DIAPH3: variants seen among roughly 807,000 people sequenced by gnomAD.
The protein encoded by DIAPH3 is protein diaphanous homolog 3.
DIAPH3 carries 117 observed loss-of-function variants against 144.3 expected under a neutral mutation model. That is an observed-to-expected ratio of 0.81 (90% CI 0.70 to 0.95). DIAPH3 has a LOEUF of 0.95. DIAPH3 is among the 40% of genes least tolerant of loss of function. The pLI is 0.00. For synonymous variants in DIAPH3, 519 were observed against 488.9 expected (o/e 1.06, Z -0.81); for missense variants, 1,421 against 1,412.7 (o/e 1.01, Z -0.09).
chr13:59,710,422 T>G (rs73208916), intron 27 of DIAPH3, among the ~76,000 whole-genome samples: 3,542 of 152,166 alleles, frequency 0.023, 62 homozygotes, highest in Non-Finnish European at 0.037. Context: ...CACAACAAAT[T>G]ATAAAGCTGA....
At chr13:59,764,285 T>G (rs2037764052) in intron 27 of DIAPH3, among the ~76,000 whole-genome samples, 1 of 151,724 alleles carries the variant, frequency 6.6e-6, no homozygotes, top group Non-Finnish European at 1.5e-5. Flanking sequence ...GCATAATGGT[T>G]AAAATTCTGG....
intron 17 of DIAPH3, among the ~76,000 whole-genome samples, chr13:59,966,756 C>T (rs2050070015): frequency 6.6e-6 from 1 of 152,158 alleles, no homozygotes; most frequent in African/African-American, 2.4e-5. Flanking sequence ...GGATTGGCAT[C>T]TATCATTTAA....
chr13:59,937,772 C>T (rs1397136782), intron 17 of DIAPH3, among the ~76,000 whole-genome samples: 2 of 151,912 alleles, frequency 1.3e-5, no homozygotes, highest in Non-Finnish European at 2.9e-5. Flanking sequence ...GACAGCATGC[C>T]TATAATTTTG....
chr13:59,921,781 G>A (rs964081479), intron 18 of DIAPH3, among the ~76,000 whole-genome samples: 4 of 151,958 alleles, frequency 2.6e-5, no homozygotes, highest in Non-Finnish European at 5.9e-5. Flanking sequence ...TGCAACAAAG[G>A]AAAGCTACTT....
chr13:59,732,709 C>T (rs138507158), intron 27 of DIAPH3, among the ~76,000 whole-genome samples: 175 of 152,142 alleles, frequency 1.2e-3, no homozygotes, highest in African/African-American at 4.0e-3. Flanking sequence ...TCCCAAAGTG[C>T]TGGGATTATG....
intron 3 of DIAPH3, among the ~76,000 whole-genome samples, chr13:60,108,043 A>G (rs2058467747): frequency 1.3e-5 from 2 of 152,204 alleles, no homozygotes; most frequent in Non-Finnish European, 2.9e-5. Flanking sequence ...CCATCTAAGT[A>G]TAGTGTCTAA....
At chr13:59,931,662 G>C (rs979832177) in intron 17 of DIAPH3, among the ~76,000 whole-genome samples, 3 of 152,274 alleles carry the variant, frequency 2.0e-5, no homozygotes, top group East Asian at 1.9e-4. Flanking sequence ...GTGGTCACTT[G>C]TGTGTATGTA....
chr13:59,902,128 A>G lies in DIAPH3; in HGVS notation c.2367+9607T>C, dbSNP rs185485859. On this transcript the variant is annotated intron_variant, in intron 20 of 27. Coordinates refer to ENST00000400324, the MANE Select transcript of DIAPH3 (RefSeq NM_001042517.2). ...TTACACATTATTTTGACTGTTAAAC[A>G]TGTAAAGAAAAACTGTGTATGGTTG... 3.9e-5 allele frequency among the ~76,000 whole-genome samples: 6 copies of G among 152,310 alleles called. No individual in the cohort carries two copies. In the East Asian group the frequency reaches 1.2e-3, roughly 29 times the overall value.
intron 27 of DIAPH3, among the ~76,000 whole-genome samples, chr13:59,722,180 T>G (rs576700267): frequency 6.6e-6 from 1 of 152,306 alleles, no homozygotes; most frequent in Non-Finnish European, 1.5e-5. Flanking sequence ...TACGTCCTCA[T>G]AGAAGGAAAT....
chr13:59,974,316 T>C (rs934224147), intron 15 of DIAPH3, 36 bp downstream of exon 15: 1 of 1,536,394 alleles, frequency 6.5e-7, no homozygotes, highest in Non-Finnish European at 9.0e-7. Context: ...CTCACTGTGT[T>C]TTTAATACCC....
At chr13:59,852,064 G>C (rs893548520) in intron 22 of DIAPH3, among the ~76,000 whole-genome samples, 1 of 151,948 alleles carries the variant, frequency 6.6e-6, no homozygotes, top group Non-Finnish European at 1.5e-5. Flanking sequence ...TCCTTATAGA[G>C]TCAAAACATA....
At chr13:60,044,011 C>T (rs1481850697) in intron 4 of DIAPH3, among the ~76,000 whole-genome samples, 1 of 151,362 alleles carries the variant, frequency 6.6e-6, no homozygotes, top group Non-Finnish European at 1.5e-5. Context: ...CATGCATATA[C>T]AGGAAAAAAA....
At chr13:59,792,877 G>A (rs1335451126) in intron 25 of DIAPH3, among the ~76,000 whole-genome samples, 5 of 152,058 alleles carry the variant, frequency 3.3e-5, no homozygotes, top group Admixed American at 6.5e-5. Context: ...GAGTAGTGCC[G>A]GTAAGAAACA....
intron 19 of DIAPH3, 144 bp downstream of exon 19, chr13:59,916,011 C>A (rs2047199737): frequency 2.9e-6 from 2 of 694,390 alleles, no homozygotes; most frequent in Non-Finnish European, 5.1e-6. Context: ...CCTGGCAATG[C>A]AGAAGTTATG....
intron 4 of DIAPH3, among the ~76,000 whole-genome samples, chr13:60,089,271 G>C (rs1260480725): frequency 6.6e-6 from 1 of 152,136 alleles, no homozygotes; most frequent in African/African-American, 2.4e-5. Context: ...TCCATGCTTG[G>C]TTTGTCCACT....
chr13:59,836,281 C>T (rs2139745526), intron 23 of DIAPH3, among the ~76,000 whole-genome samples: 1 of 151,860 alleles, frequency 6.6e-6, no homozygotes, highest in Non-Finnish European at 1.5e-5. Flanking sequence ...CAAATCCTGG[C>T]ATATTCTTAA....
At chr13:60,103,795 C>G (rs553828567) in intron 3 of DIAPH3, among the ~76,000 whole-genome samples, 1 of 152,322 alleles carries the variant, frequency 6.6e-6, no homozygotes, top group African/African-American at 2.4e-5. Context: ...CTAATTCCCT[C>G]TCTTGTGACA....
At chr13:59,941,900 G>A (rs1261732567) in intron 17 of DIAPH3, among the ~76,000 whole-genome samples, 2 of 151,886 alleles carry the variant, frequency 1.3e-5, no homozygotes, top group Non-Finnish European at 1.5e-5. Context: ...AAGGCCCAAA[G>A]GCATTATAAC....
At chr13:59,761,913 G>A (rs1458688542) in intron 27 of DIAPH3, among the ~76,000 whole-genome samples, 1 of 152,054 alleles carries the variant, frequency 6.6e-6, no homozygotes, top group African/African-American at 2.4e-5. Context: ...GATAAACTTA[G>A]AAGCTCAGAC....
Sources: gnomAD v4.1 joint callset for allele counts (sites outside exome capture counted in the v4.1 genomes callset) on GRCh38, gnomAD v4.1.1 for gene constraint, MANE v1.5 for transcripts, NCBI Gene and HGNC (gene_info 2026-07-23, HGNC 2026-07-21) for gene names.